IQGAP2: variants seen among roughly 807,000 people sequenced by gnomAD.
The protein encoded by IQGAP2 is ras GTPase-activating-like protein IQGAP2.
IQGAP2 carries 173 observed loss-of-function variants against 201.3 expected under a neutral mutation model. The ratio of observed to expected loss-of-function variants is 0.86; its 90% confidence interval spans 0.76 to 0.98. The LOEUF is 0.98. IQGAP2 is among the 50% of genes least tolerant of loss of function. IQGAP2 has a pLI of 0.00. For synonymous variants in IQGAP2, 675 were observed against 673.9 expected (o/e 1.00, Z -0.03); for missense variants, 1,687 against 1,864.8 (o/e 0.90, Z 1.76).
At chr5:76,519,197 C>T (rs973565909) in intron 2 of IQGAP2, among the ~76,000 whole-genome samples, 2 of 152,132 alleles carry the variant, frequency 1.3e-5, no homozygotes, top group African/African-American at 4.8e-5. Flanking sequence ...TAAAAGTAGC[C>T]CTTGTGCTAC....
intron 1 of IQGAP2, among the ~76,000 whole-genome samples, chr5:76,417,802 G>T (rs560903297): frequency 1.1e-3 from 164 of 151,988 alleles, no homozygotes; most frequent in African/African-American, 3.7e-3. Flanking sequence ...GGCTGGTCTT[G>T]AACTCCTGAG....
intron 1 of IQGAP2, chr5:76,404,334 C>T (rs1750680425): frequency 5.6e-6 from 2 of 354,818 alleles, no homozygotes; most frequent in Non-Finnish European, 3.9e-6. Flanking sequence ...TTTGGCCGAT[C>T]GTGAGTGGAT....
intron 22 of IQGAP2, 125 bp from the exon 23 acceptor site, chr5:76,668,556 A>G (rs1430900134): frequency 5.6e-6 from 4 of 713,844 alleles, no homozygotes; most frequent in Non-Finnish European, 9.3e-6. Flanking sequence ...ATACTCATCT[A>G]TATGCTTTTA....
At chr5:76,498,012 A>C (rs6453225) in intron 2 of IQGAP2, among the ~76,000 whole-genome samples, 148,030 of 152,186 alleles carry the variant, frequency 0.97, 72,080 homozygotes, top group Non-Finnish European at 0.99. Flanking sequence ...GGCTCACTGA[A>C]AAAACTTAGC....
Position 76,682,970 on chromosome 5 carries a change from A to G in IQGAP2, c.3661-145A>G, listed in dbSNP as rs560442845. ...CCCTCTGAGATACAATAAAAACTGTATCTATGTCTCTAATTTTTATAAATG... is the reference window on the plus strand; with the variant it reads ...CCCTCTGAGATACAATAAAAACTGTGTCTATGTCTCTAATTTTTATAAATG... On this transcript the variant is annotated intron_variant, in intron 28 of 35. Coordinates refer to ENST00000274364, the MANE Select transcript of IQGAP2 (RefSeq NM_006633.5). 13 of 494,530 alleles carry G rather than the reference A, an allele frequency of 2.6e-5. No homozygotes were observed. The South Asian group carries it at 3.8e-4, about 15-fold the overall frequency. 30.6% of individuals were successfully genotyped at this position (494,530 alleles called of 1,614,324 possible). A position where few individuals can be genotyped will look rare whatever the true frequency, so the allele number is the denominator to read the frequency against.
chr5:76,639,737 G>T (rs1481807506), intron 16 of IQGAP2, among the ~76,000 whole-genome samples: 1 of 152,168 alleles, frequency 6.6e-6, no homozygotes, highest in East Asian at 1.9e-4. Flanking sequence ...AAAAAAACAT[G>T]ATCTGAGTCT....
At chr5:76,571,721 A>C (rs1424112683) in intron 4 of IQGAP2, among the ~76,000 whole-genome samples, 1 of 152,210 alleles carries the variant, frequency 6.6e-6, no homozygotes, top group Non-Finnish European at 1.5e-5. Context: ...ATTTTGAAAT[A>C]ATTATAGAAT....
chr5:76,528,106 TG>T (rs1759071377), intron 2 of IQGAP2, among the ~76,000 whole-genome samples: 1 of 152,214 alleles, frequency 6.6e-6, no homozygotes, highest in Non-Finnish European at 1.5e-5. Context: ...ACATGGATCT[TG>T]GGCGCCATTA....
At chr5:76,433,229 T>C (rs1050619669) in intron 1 of IQGAP2, among the ~76,000 whole-genome samples, 1 of 152,198 alleles carries the variant, frequency 6.6e-6, no homozygotes, top group Non-Finnish European at 1.5e-5. Context: ...CACATTTGCT[T>C]TTAGGGTCTT....
At chr5:76,627,326 T>A in intron 13 of IQGAP2, 84 bp from the exon 14 acceptor site, 1 of 905,678 alleles carries the variant, frequency 1.1e-6, no homozygotes, top group East Asian at 2.4e-5. Context: ...GAATTATGAT[T>A]AAATGGCTCC....
intron 2 of IQGAP2, among the ~76,000 whole-genome samples, chr5:76,515,745 ATAAAG>A (rs1239279497): frequency 6.6e-6 from 1 of 152,184 alleles, no homozygotes; most frequent in Non-Finnish European, 1.5e-5. Flanking sequence ...TTTTAGAAAA[ATAAAG>A]TAGTTTTTTT....
At chr5:76,451,772 C>T (rs866241928) in intron 1 of IQGAP2, among the ~76,000 whole-genome samples, 15 of 152,272 alleles carry the variant, frequency 9.9e-5, no homozygotes, top group African/African-American at 3.1e-4. Context: ...CAGTGGCTCA[C>T]GCCTGTAATC....
Position 76,429,624 on chromosome 5 carries a change from ATT to A in IQGAP2, c.46+26035_46+26036del, listed in dbSNP as rs1491411323. On this transcript the variant is annotated intron_variant, in intron 1 of 35. Coordinates refer to ENST00000274364, the MANE Select transcript of IQGAP2 (RefSeq NM_006633.5). Reference sequence around the variant, plus strand: ...TATATTTATATATATACATATATAAATTTATATATATACATATATGTATATAT... The same window carrying A: ...TATATTTATATATATACATATATAAATATATATATACATATATGTATATAT... Among the ~76,000 whole-genome samples, 68 of 142,470 alleles carry A rather than the reference ATT, an allele frequency of 4.8e-4. 1 individual carries two copies. The highest frequency in any genetic ancestry group is 2.5e-3 in the Admixed American group (35 of 14,078). The allele number at this position is 142,470 out of a possible 152,430, so 93.5% of individuals were successfully genotyped here.
intron 1 of IQGAP2, among the ~76,000 whole-genome samples, chr5:76,431,702 A>C (rs1180765234): frequency 6.6e-6 from 1 of 152,046 alleles, no homozygotes; most frequent in Non-Finnish European, 1.5e-5. Context: ...GCTTGCCTGT[A>C]GTCCCAGCTA....
At chr5:76,529,058 A>G (rs1759133185) in intron 2 of IQGAP2, among the ~76,000 whole-genome samples, 1 of 152,208 alleles carries the variant, frequency 6.6e-6, no homozygotes, top group Non-Finnish European at 1.5e-5. Flanking sequence ...AGCATTCATG[A>G]GCTGGAGAGA....
At chr5:76,623,723 G>A (rs1749941600) in intron 13 of IQGAP2, among the ~76,000 whole-genome samples, 1 of 152,114 alleles carries the variant, frequency 6.6e-6, no homozygotes, top group African/African-American at 2.4e-5. Flanking sequence ...TATCTTCCCA[G>A]CTATTTCAAA....
At chr5:76,664,554 G>A (rs996566993) in intron 21 of IQGAP2, among the ~76,000 whole-genome samples, 17 of 152,114 alleles carry the variant, frequency 1.1e-4, no homozygotes. Flanking sequence ...GTGGAGGCGC[G>A]TGCCTGTAGT....
chr5:76,689,931 C>T (rs1305664156), intron 30 of IQGAP2, among the ~76,000 whole-genome samples: 1 of 152,178 alleles, frequency 6.6e-6, no homozygotes, highest in African/African-American at 2.4e-5. Context: ...CAAGGGGCCA[C>T]ACCAGCTTAC....
intron 2 of IQGAP2, 26 bp from the exon 3 acceptor site, chr5:76,562,370 T>A: frequency 6.4e-7 from 1 of 1,569,652 alleles, no homozygotes; most frequent in Non-Finnish European, 8.7e-7. Flanking sequence ...GGAATCACTT[T>A]AATATTTTTT....
Sources: allele counts gnomAD v4.1 joint callset (sites outside exome capture counted in the v4.1 genomes callset), GRCh38; gene constraint gnomAD v4.1.1; transcripts MANE v1.5; gene names NCBI Gene and HGNC (gene_info 2026-07-23, HGNC 2026-07-21).